The following PARPBP variants were observed in gnomAD, a reference collection of about 807,000 sequenced individuals.
PARPBP encodes the protein PCNA-interacting partner.
A neutral mutation model predicts 50.0 loss-of-function variants in PARPBP; 52 were observed. The ratio of observed to expected loss-of-function variants is 1.04; its 90% CI spans 0.83 to 1.31. The LOEUF is 1.31. Among genes scored for constraint, PARPBP ranks in the 50% most tolerant of loss-of-function variants. PARPBP has a pLI of 0.00. For synonymous variants in PARPBP, 244 were observed against 232.1 expected (o/e 1.05, Z -0.47); for missense variants, 697 against 672.0 (o/e 1.04, Z -0.41).
intron 2 of PARPBP, among the ~76,000 whole-genome samples, chr12:102,146,571 A>T (rs973838470): frequency 3.3e-5 from 5 of 152,214 alleles, no homozygotes; most frequent in Non-Finnish European, 5.9e-5. Context: ...TTAATTCTAG[A>T]TGGATTAAAG....
Position 102,197,169 on chromosome 12 carries a change from G to A in PARPBP, c.*878G>A. The A allele has an allele frequency of 6.2e-7, 1 of 1,609,726 alleles. No homozygotes were observed. Among genetic ancestry groups the A allele is most frequent in the Non-Finnish European group, 8.5e-7 (1 of 1,176,948 alleles). Reference sequence around the variant, plus strand: ...TTAAGAAATTATGTTTGGAGCCTGTGTTCTGTAAAGAGAAGGTTGATTTGG... The same window carrying A: ...TTAAGAAATTATGTTTGGAGCCTGTATTCTGTAAAGAGAAGGTTGATTTGG... On this transcript the variant is annotated 3_prime_UTR_variant, in exon 11 of 11. Transcript: ENST00000327680.
At chr12:102,140,031 T>G (rs1884307253) in intron 2 of PARPBP, among the ~76,000 whole-genome samples, 1 of 152,212 alleles carries the variant, frequency 6.6e-6, no homozygotes, top group Admixed American at 6.5e-5. Context: ...TCTTTTTCTG[T>G]TAATTGGAAT....
chr12:102,164,476 A>G lies in PARPBP; in HGVS notation c.534A>G (p.Leu178=). ...LLARKIIFSY[L]NLLVNSKNDL... is the part of the protein sequence containing the mutation. ...CAAGGAAAATTATCTTTTCATATTT[A>G]AATCTGCTAGTGAATTCAAAGAATG... Residue 178 remains leucine, a synonymous_variant, in exon 5 of 11, where the codon TTA becomes TTG. Transcript: ENST00000327680. The G allele has an allele frequency of 6.2e-7, 1 of 1,612,894 alleles. No homozygotes were observed. Among genetic ancestry groups the G allele is most frequent in the Non-Finnish European group, 8.5e-7 (1 of 1,179,056 alleles).
chr12:102,195,744 C>T (rs541554820), intron 10 of PARPBP, among the ~76,000 whole-genome samples: 35 of 151,546 alleles, frequency 2.3e-4, no homozygotes, highest in Non-Finnish European at 4.0e-4. Context: ...TGATTACTGG[C>T]CAAAGCTAAC....
intron 2 of PARPBP, among the ~76,000 whole-genome samples, chr12:102,127,481 C>A: frequency 6.6e-6 from 1 of 151,334 alleles, no homozygotes. Flanking sequence ...TATTAGATGT[C>A]AGAGTTTATT....
chr12:102,140,104 A>G (rs1249586843), intron 2 of PARPBP, among the ~76,000 whole-genome samples: 3 of 151,762 alleles, frequency 2.0e-5, no homozygotes, highest in Non-Finnish European at 2.9e-5. Context: ...CTGTGAATCC[A>G]TCTGGTCCTG....
intron 9 of PARPBP, among the ~76,000 whole-genome samples, chr12:102,189,835 A>C (rs1296496596): frequency 1.3e-5 from 2 of 152,160 alleles, no homozygotes; most frequent in African/African-American, 4.8e-5. Flanking sequence ...CGAGAGAGAA[A>C]GGCAGAATAT....
Position 102,165,896 on chromosome 12 carries a change from C to A in PARPBP, c.821+13C>A. 1.4e-6 allele frequency: 2 copies of A among 1,445,628 alleles called. No individual in the cohort carries two copies. Among genetic ancestry groups the A allele is most frequent in the Non-Finnish European group, 1.9e-6 (2 of 1,041,378 alleles). 89.6% of individuals were successfully genotyped at this position (1,445,628 alleles called of 1,614,324 possible). A position where few individuals can be genotyped will look rare whatever the true frequency, so the allele number is the denominator to read the frequency against. The stretch of plus-strand genomic sequence containing the variant: ...TACCAAACCCAAGGTAATGACTTTT[C>A]ATATATTACAAATATGTTTTTAATC... On this transcript the variant is annotated intron_variant, in intron 6 of 10. Transcript: ENST00000327680.
chr12:102,164,604 T>G lies in PARPBP; in HGVS notation c.662T>G (p.Phe221Cys). The change falls in exon 5 of 11, where the codon TTT becomes TGT. Residue 221 changes from phenylalanine to cysteine, a missense_variant. By Grantham distance (205) the Phe-to-Cys change is radical. Transcript: ENST00000327680. ...HAAREKQMSI[F>C]LVATSFIRTI... Reference sequence around the variant, plus strand: ...GCTCGAGAGAAACAAATGTCTATCTTTTTGGTATGGTTGTGTGACATGTTC... The same window carrying G: ...GCTCGAGAGAAACAAATGTCTATCTGTTTGGTATGGTTGTGTGACATGTTC... 1 of 1,613,194 alleles carries G rather than the reference T, an allele frequency of 6.2e-7. No individual in the cohort carries two copies. The highest frequency in any genetic ancestry group is 2.2e-5 in the East Asian group (1 of 44,834).
chr12:102,188,148 G>A (rs1041266805), intron 9 of PARPBP, among the ~76,000 whole-genome samples: 35 of 152,074 alleles, frequency 2.3e-4, no homozygotes, highest in African/African-American at 8.5e-4. Context: ...TTTTTACCTA[G>A]GACACATACT....
intron 4 of PARPBP, among the ~76,000 whole-genome samples, chr12:102,156,671 A>G (rs1046198217): frequency 2.6e-5 from 4 of 152,078 alleles, no homozygotes; most frequent in African/African-American, 9.7e-5. Context: ...GCAGAGGCTT[A>G]CTGTGTTGCC....
At chr12:102,178,018 T>C (rs1353083124) in intron 7 of PARPBP, among the ~76,000 whole-genome samples, 3 of 152,258 alleles carry the variant, frequency 2.0e-5, no homozygotes, top group Non-Finnish European at 4.4e-5. Context: ...CTTAGCATTC[T>C]GTAATGCAAT....
rs999789033 is a variant in PARPBP at position 102,155,824 on chromosome 12, A to G, written c.495+1848A>G. 4.6e-5 allele frequency among the ~76,000 whole-genome samples: 7 copies of G among 152,232 alleles called. No individual in the cohort carries two copies. In the East Asian group the frequency reaches 7.7e-4, roughly 17 times the overall value. On this transcript the variant is annotated intron_variant, in intron 4 of 10. Coordinates refer to ENST00000327680, the MANE Select transcript of PARPBP (RefSeq NM_017915.5). ...CAGACCTGCTGCTGACTTTGGTAGG[A>G]TGTCCGCTGTGCTCCTGATCTAGCC... is the stretch of plus-strand genomic sequence containing the variant.
At chr12:102,176,005 G>A (rs906804018) in intron 7 of PARPBP, among the ~76,000 whole-genome samples, 3 of 148,404 alleles carry the variant, frequency 2.0e-5, no homozygotes, top group South Asian at 2.1e-4. Flanking sequence ...TTTTTGAGAC[G>A]GAGTTTCACT....
At chr12:102,137,849 G>A (rs1460777670) in intron 2 of PARPBP, among the ~76,000 whole-genome samples, 2 of 152,036 alleles carry the variant, frequency 1.3e-5, no homozygotes, top group Admixed American at 6.6e-5. Context: ...CTTTTTTATG[G>A]CTGCATAGTA....
At chr12:102,149,431 C>T (rs938864995) in intron 3 of PARPBP, among the ~76,000 whole-genome samples, 1 of 152,168 alleles carries the variant, frequency 6.6e-6, no homozygotes, top group Non-Finnish European at 1.5e-5. Context: ...GGTTCCTACC[C>T]TCTAGACCAT....
In PARPBP at chr12:102,122,930, G is replaced by A. The variant is rs533123742; in HGVS notation, c.-3-956G>A. 3.3e-5 allele frequency among the ~76,000 whole-genome samples: 5 copies of A among 152,208 alleles called. No homozygotes were observed. In the South Asian group the frequency reaches 6.2e-4, roughly 19 times the overall value. On this transcript the variant is annotated intron_variant, in intron 1 of 10. Transcript: ENST00000327680. ...AGTTATTTTATTGGTTATGTAGTAC[G>A]GTGTAACAAACCATTTCAAAAGTTA...
At position 102,148,461 on chromosome 12, in the gene PARPBP, C is replaced by T. The variant is rs1239524706; in HGVS notation, c.385C>T (p.Pro129Ser). The T allele has an allele frequency of 2.6e-6, 3 of 1,175,696 alleles. No homozygotes were observed. The highest frequency in any genetic ancestry group is 2.4e-5 in the East Asian group (1 of 41,050). 72.8% of individuals were successfully genotyped at this position (1,175,696 alleles called of 1,614,324 possible). The change falls in exon 3 of 11, where the codon CCT becomes TCT. Residue 129 changes from proline to serine, a missense_variant and splice_region_variant. Coordinates refer to ENST00000327680, the MANE Select transcript of PARPBP (RefSeq NM_017915.5). ...SNCENYNTVS[P>S]SQLLDFLSGK... is the part of the protein sequence containing the mutation. ...TTGTGAAAATTATAACACAGTATCTCCTGTAAGTATTTTTTAAACAATTCT... is the reference window on the plus strand; with the variant it reads ...TTGTGAAAATTATAACACAGTATCTTCTGTAAGTATTTTTTAAACAATTCT...
chr12:102,168,610 G>C (rs531612388), intron 6 of PARPBP, among the ~76,000 whole-genome samples: 8 of 152,220 alleles, frequency 5.3e-5, no homozygotes, highest in African/African-American at 1.4e-4. Context: ...GATATTAATA[G>C]AAGGTGTACA....
Sources: allele counts gnomAD v4.1 joint callset (sites outside exome capture counted in the v4.1 genomes callset), GRCh38; gene constraint gnomAD v4.1.1; transcripts MANE v1.5; gene names NCBI Gene and HGNC (gene_info 2026-07-23, HGNC 2026-07-21).